HPD: variants seen among roughly 807,000 people sequenced by gnomAD.
HPD encodes the protein 4-hydroxyphenylpyruvate dioxygenase.
In HPD, 35 loss-of-function variants were observed where a neutral mutation model predicts 56.9. The ratio of observed to expected loss-of-function variants is 0.62; its 90% CI spans 0.47 to 0.82. The LOEUF is 0.82. Ranked by LOEUF, HPD falls within the 40% of genes least tolerant of loss-of-function variation. HPD has a pLI of 0.00. For missense variants in HPD, 442 were observed against 506.8 expected, an observed-to-expected ratio of 0.87 and a Z score of 1.23; for synonymous variants, 186 against 200.2, an observed-to-expected ratio of 0.93 and a Z score of 0.60.
At chr12:121,873,461 C>A in the HPD span, among the ~76,000 whole-genome samples, 1 of 152,224 alleles carries the variant, frequency 6.6e-6, no homozygotes, top group African/African-American at 2.4e-5. Context: ...GGAGTCTCCA[C>A]CACTGAGTTC....
upstream of HPD, among the ~76,000 whole-genome samples, chr12:121,860,922 G>A (rs1565880573): frequency 6.6e-6 from 1 of 151,944 alleles, no homozygotes; most frequent in Non-Finnish European, 1.5e-5. Flanking sequence ...AGATAAGGCA[G>A]GGCCCAGTGG....
At chr12:121,854,649 G>T in intron 7 of HPD, 54 bp downstream of exon 7, 1 of 1,235,570 alleles carries the variant, frequency 8.1e-7, no homozygotes, top group South Asian at 1.2e-5. Context: ...CGGGGCTCCT[G>T]GCATCTCAGT....
At chr12:121,859,275 G>A (rs537477450), upstream of HPD, 4 of 267,454 alleles carry the variant, frequency 1.5e-5, no homozygotes, top group Non-Finnish European at 2.9e-5. Flanking sequence ...GCTCTGAGAG[G>A]CACGGCAGGA....
chr12:121,870,507 A>C, the HPD span, among the ~76,000 whole-genome samples: 1 of 138,708 alleles, frequency 7.2e-6, no homozygotes, highest in African/African-American at 2.6e-5. Flanking sequence ...ACTCTGTCTC[A>C]AAAAAAAAAA....
At chr12:121,875,966 A>C in the HPD span, among the ~76,000 whole-genome samples, 1 of 152,070 alleles carries the variant, frequency 6.6e-6, no homozygotes, top group African/African-American at 2.4e-5. Context: ...AAAAGAACAG[A>C]GTAGAGAAGA....
chr12:121,847,728 T>C (rs1021025672), intron 9 of HPD, among the ~76,000 whole-genome samples: 1 of 151,998 alleles, frequency 6.6e-6, no homozygotes, highest in African/African-American at 2.4e-5. Flanking sequence ...GTAGAGACAG[T>C]GTTTCACTGT....
At chr12:121,842,626 C>T (rs537135118) in intron 12 of HPD, among the ~76,000 whole-genome samples, 8 of 151,722 alleles carry the variant, frequency 5.3e-5, no homozygotes, top group East Asian at 1.9e-4. Context: ...ATGGGGGTTT[C>T]GCCATATTGA....
intron 12 of HPD, among the ~76,000 whole-genome samples, 184 bp downstream of exon 12, chr12:121,843,526 C>T (rs1045003557): frequency 1.2e-4 from 19 of 152,224 alleles, no homozygotes; most frequent in Non-Finnish European, 2.4e-4. Flanking sequence ...TATCTCTGAC[C>T]GTGCTTTTAT....
At chr12:121,856,783 G>T (rs1878017877) in intron 4 of HPD, 158 bp from the exon 5 acceptor site, 5 of 708,624 alleles carry the variant, frequency 7.1e-6, no homozygotes, top group Non-Finnish European at 1.3e-5. Flanking sequence ...TTCCCACACT[G>T]GTCCTGAGGG....
chr12:121,878,430 C>T, the HPD span, among the ~76,000 whole-genome samples: 4 of 152,160 alleles, frequency 2.6e-5, no homozygotes, highest in African/African-American at 9.7e-5. Flanking sequence ...CTCACTGCAA[C>T]CTCTACCTCC....
chr12:121,857,682 G>T, intron 3 of HPD, 75 bp downstream of exon 3: 1 of 1,298,264 alleles, frequency 7.7e-7, no homozygotes, highest in Non-Finnish European at 1.1e-6. Context: ...CACAGACCCT[G>T]CTGGAGGCCT....
the HPD span, among the ~76,000 whole-genome samples, chr12:121,877,715 G>A: frequency 2.0e-5 from 3 of 151,784 alleles, no homozygotes; most frequent in South Asian, 2.1e-4. Context: ...CCTGGGTGAC[G>A]GATTGAGACT....
At chr12:121,884,661 TTTCTC>T in the HPD span, among the ~76,000 whole-genome samples, 1 of 152,156 alleles carries the variant, frequency 6.6e-6, no homozygotes, top group Non-Finnish European at 1.5e-5. Flanking sequence ...TTTTCTACCT[TTTCTC>T]TTTTTTTCTT....
chr12:121,868,084 G>C (rs1878371435), upstream of HPD, among the ~76,000 whole-genome samples: 1 of 152,184 alleles, frequency 6.6e-6, no homozygotes, highest in Admixed American at 6.6e-5. Context: ...AGCACTTTCA[G>C]AGGCTGAGGC....
At chr12:121,844,794 T>C (rs1877522070) in intron 11 of HPD, among the ~76,000 whole-genome samples, 1 of 151,662 alleles carries the variant, frequency 6.6e-6, no homozygotes, top group Non-Finnish European at 1.5e-5. Flanking sequence ...GGCAGGAGAA[T>C]GGCGTAAACC....
intron 11 of HPD, among the ~76,000 whole-genome samples, 194 bp from the exon 12 acceptor site, chr12:121,844,026 A>G (rs1490424159): frequency 6.7e-6 from 1 of 150,358 alleles, no homozygotes; most frequent in African/African-American, 2.4e-5. Flanking sequence ...TTTATAGAAC[A>G]CTCACCATGT....
intron 12 of HPD, among the ~76,000 whole-genome samples, chr12:121,842,220 C>G (rs1374919515): frequency 6.6e-6 from 1 of 151,678 alleles, no homozygotes; most frequent in Admixed American, 6.6e-5. Flanking sequence ...ACCTCCTGGC[C>G]TCAAGTGATC....
In HPD at chr12:121,852,622, C is replaced by CTTTT. The variant is rs1176954964; in HGVS notation, c.414+2077_414+2080dup. On this transcript the variant is annotated intron_variant, in intron 7 of 13. Transcript: ENST00000289004. ...TATACACAAATGACCTCATTGGATC[C>CTTTT]TTTTTTTTTTTTTTTTTTTTTTTTT... Among the ~76,000 whole-genome samples, 294 of 70,492 alleles carry CTTTT rather than the reference C, an allele frequency of 4.2e-3. 40 individuals are homozygous for CTTTT. The highest frequency in any genetic ancestry group is 0.015 in the African/African-American group (245 of 16,176). 46.2% of individuals were successfully genotyped at this position (70,492 alleles called of 152,430 possible). A position where few individuals can be genotyped will look rare whatever the true frequency, so the allele number is the denominator to read the frequency against.
chr12:121,847,589 A>G (rs914273311), intron 9 of HPD, among the ~76,000 whole-genome samples: 2 of 151,992 alleles, frequency 1.3e-5, no homozygotes, highest in Non-Finnish European at 2.9e-5. Flanking sequence ...CCAGGCTGGA[A>G]TGCAGTGACG....
Sources: allele counts gnomAD v4.1 joint callset (sites outside exome capture counted in the v4.1 genomes callset), GRCh38; gene constraint gnomAD v4.1.1; transcripts MANE v1.5; gene names NCBI Gene and HGNC (gene_info 2026-07-23, HGNC 2026-07-21).